Variants in FRAS1 observed in about 807,000 individuals in gnomAD.
The protein encoded by FRAS1 is Fraser extracellular matrix complex subunit 1.
In FRAS1, 290 loss-of-function variants were observed where a neutral mutation model predicts 435.2. The ratio of observed to expected loss-of-function variants is 0.67; its 90% confidence interval spans 0.61 to 0.73. The LOEUF (loss-of-function observed/expected upper bound fraction) is 0.73, where lower values mean the gene tolerates loss of function less well. Ranked by LOEUF, FRAS1 falls within the 30% of genes least tolerant of loss-of-function variation. The pLI is 0.00. For missense variants in FRAS1, 4,860 were observed against 5,001.5 expected, an observed-to-expected ratio of 0.97 and a Z score of 0.85; for synonymous variants, 1,800 against 1,851.0, an observed-to-expected ratio of 0.97 and a Z score of 0.71.
At chr4:78,169,488 C>T (rs1010030668) in intron 2 of FRAS1, among the ~76,000 whole-genome samples, 1 of 152,048 alleles carries the variant, frequency 6.6e-6, no homozygotes, top group African/African-American at 2.4e-5. Context: ...GAGACAGTAA[C>T]GTGCACCTCA....
chr4:78,421,858 C>T lies in FRAS1; in HGVS notation c.4541-5C>T. The T allele has an allele frequency of 6.2e-7, 1 of 1,613,784 alleles. No homozygotes were observed. Among genetic ancestry groups the T allele is most frequent in the South Asian group, 1.1e-5 (1 of 91,052 alleles). On this transcript the variant is annotated splice_region_variant and splice_polypyrimidine_tract_variant and intron_variant, in intron 33 of 73. Transcript: ENST00000512123. ...TGATGCTGAGGCCAAATCTCTTCCT[C>T]CCAGGTATCATCGAGCACCGGGACC...
intron 62 of FRAS1, 115 bp from the exon 63 acceptor site, chr4:78,508,616 A>G: frequency 9.4e-7 from 1 of 1,061,862 alleles, no homozygotes; most frequent in Non-Finnish European, 1.4e-6. Context: ...CTCCTGTTAT[A>G]TTTCAAAGAA....
intron 36 of FRAS1, 30 bp from the exon 37 acceptor site, chr4:78,430,262 T>C: frequency 6.2e-7 from 1 of 1,613,510 alleles, no homozygotes; most frequent in Non-Finnish European, 8.5e-7. Context: ...ACGCTTTCTC[T>C]CTCACCACGC....
At chr4:78,481,348 T>A (rs6817408) in intron 56 of FRAS1, among the ~76,000 whole-genome samples, 34,718 of 152,106 alleles carry the variant, frequency 0.23, 4,594 homozygotes, top group African/African-American at 0.36. Flanking sequence ...TTAGAAACAT[T>A]CAGCTTCAGG....
chr4:78,273,834 G>T (rs1726849004), intron 9 of FRAS1, among the ~76,000 whole-genome samples: 1 of 152,210 alleles, frequency 6.6e-6, no homozygotes, highest in South Asian at 2.1e-4. Flanking sequence ...CTCATAAAAT[G>T]AGTTAGGGAG....
At chr4:78,373,446 CTAA>C (rs3086797) in intron 24 of FRAS1, among the ~76,000 whole-genome samples, 5,155 of 138,864 alleles carry the variant, frequency 0.037, 105 homozygotes, top group African/African-American at 0.07. Flanking sequence ...GAGCCAAGGA[CTAA>C]TAATAATAAT....
intron 2 of FRAS1, among the ~76,000 whole-genome samples, chr4:78,182,456 T>C (rs2110052723): frequency 6.6e-6 from 1 of 152,310 alleles, no homozygotes; most frequent in South Asian, 2.1e-4. Context: ...GTTTCCACTA[T>C]TTTCCTGGGT....
chr4:78,342,599 A>T (rs1730436859), intron 20 of FRAS1, among the ~76,000 whole-genome samples: 1 of 152,226 alleles, frequency 6.6e-6, no homozygotes, highest in Non-Finnish European at 1.5e-5. Context: ...AAAACTCCAA[A>T]GCCTGAGGTG....
intron 18 of FRAS1, among the ~76,000 whole-genome samples, chr4:78,326,420 A>G (rs1201267135): frequency 1.3e-5 from 2 of 152,198 alleles, no homozygotes; most frequent in Non-Finnish European, 2.9e-5. Flanking sequence ...GAGATAGGGA[A>G]TAGAAAAGAA....
intron 29 of FRAS1, among the ~76,000 whole-genome samples, chr4:78,397,052 C>A (rs1195905887): frequency 6.6e-6 from 1 of 152,104 alleles, no homozygotes; most frequent in Non-Finnish European, 1.5e-5. Flanking sequence ...TCTTTGGGGT[C>A]AGCCACTGGA....
At position 78,473,465 on chromosome 4, in the gene FRAS1, A is replaced by T. The variant is rs1339305852; in HGVS notation, c.7550A>T (p.Tyr2517Phe). The T allele has an allele frequency of 1.2e-6, 2 of 1,613,310 alleles. No homozygotes were observed. The highest frequency in any genetic ancestry group is 2.2e-5 in the South Asian group (2 of 90,948). The change falls in exon 53 of 74, where the codon TAT becomes TTT. Residue 2517 changes from tyrosine (Y) to phenylalanine (F), a missense_variant. Physicochemically the swap from Tyr to Phe is conservative, Grantham distance 22. Coordinates refer to ENST00000512123, the MANE Select transcript of FRAS1 (RefSeq NM_025074.7). Reference sequence around the variant, plus strand: ...GATGTGAACTTGGGGTTGATTCGTTATGTGTTGCACAAGGAGAAGATCCGT... The same window carrying T: ...GATGTGAACTTGGGGTTGATTCGTTTTGTGTTGCACAAGGAGAAGATCCGT... Reference protein sequence around the residue: ...QEDVNLGLIRYVLHKEKIREM... With the variant: ...QEDVNLGLIRFVLHKEKIREM...
chr4:78,307,692 C>G (rs1728833965), intron 14 of FRAS1, among the ~76,000 whole-genome samples: 1 of 152,242 alleles, frequency 6.6e-6, no homozygotes, highest in South Asian at 2.1e-4. Flanking sequence ...CCAGGTGAGG[C>G]AATGCCTCGC....
chr4:78,248,298 A>G (rs916467392), intron 4 of FRAS1, among the ~76,000 whole-genome samples: 2 of 152,228 alleles, frequency 1.3e-5, no homozygotes, highest in Non-Finnish European at 2.9e-5. Flanking sequence ...CAGGGAGGCA[A>G]GCCTCAAATG....
chr4:78,307,530 G>A (rs545997092), intron 14 of FRAS1, among the ~76,000 whole-genome samples: 7 of 152,200 alleles, frequency 4.6e-5, no homozygotes, highest in African/African-American at 1.2e-4. Context: ...AGGACTCTCC[G>A]AGCCAGGTGC....
chr4:78,145,509 A>T (rs1352783228), intron 2 of FRAS1, among the ~76,000 whole-genome samples: 1 of 152,118 alleles, frequency 6.6e-6, no homozygotes, highest in East Asian at 1.9e-4. Context: ...TTTATCTGAG[A>T]GAACAACTCT....
At chr4:78,206,095 T>G (rs1380450961) in intron 2 of FRAS1, among the ~76,000 whole-genome samples, 4 of 152,106 alleles carry the variant, frequency 2.6e-5, no homozygotes, top group Non-Finnish European at 5.9e-5. Context: ...TGTATAATTC[T>G]TATGTGGCAA....
At chr4:78,406,005 A>G in intron 30 of FRAS1, among the ~76,000 whole-genome samples, 1 of 152,248 alleles carries the variant, frequency 6.6e-6, no homozygotes, top group East Asian at 1.9e-4. Context: ...CAGTACAAAC[A>G]GATTGCTGGT....
At chr4:78,064,867 A>C (rs10461184) in intron 1 of FRAS1, among the ~76,000 whole-genome samples, 2,501 of 151,840 alleles carry the variant, frequency 0.016, 91 homozygotes, top group East Asian at 0.13. Flanking sequence ...TGTGTGGAGC[A>C]TTGTTAAGAT....
intron 61 of FRAS1, among the ~76,000 whole-genome samples, chr4:78,501,228 G>C (rs974134438): frequency 6.6e-6 from 1 of 152,052 alleles, no homozygotes; most frequent in African/African-American, 2.4e-5. Flanking sequence ...TTGGTTTTCT[G>C]TCCTTGTGAT....
Sources: gnomAD v4.1 joint callset for allele counts (sites outside exome capture counted in the v4.1 genomes callset) on GRCh38, gnomAD v4.1.1 for gene constraint, MANE v1.5 for transcripts, NCBI Gene and HGNC (gene_info 2026-07-23, HGNC 2026-07-21) for gene names.